The following XKR6 variants were observed in gnomAD, a reference collection of about 807,000 sequenced individuals.
XKR6 encodes the protein XK related 6, also known as XK-related protein 6.
Under a neutral mutation model 56.7 loss-of-function variants are expected in XKR6, and 22 were observed. That is an observed-to-expected ratio of 0.39 (90% CI 0.28 to 0.55). The LOEUF (loss-of-function observed/expected upper bound fraction) is 0.55, where lower values mean the gene tolerates loss of function less well. XKR6 is among the 20% of genes least tolerant of loss of function. XKR6 has a pLI of 0.66. For missense variants in XKR6, 852 were observed against 889.0 expected, an observed-to-expected ratio of 0.96 and a Z score of 0.53; for synonymous variants, 524 against 387.8, an observed-to-expected ratio of 1.35 and a Z score of -4.13.
chr8:11,033,287 T>C (rs1563357690), intron 1 of XKR6, among the ~76,000 whole-genome samples: 1 of 150,214 alleles, frequency 6.7e-6, no homozygotes. Flanking sequence ...ATGACGATAG[T>C]GATGGTGATG....
chr8:10,962,648 C>G (rs1554516524), intron 1 of XKR6, among the ~76,000 whole-genome samples: 2 of 151,726 alleles, frequency 1.3e-5, no homozygotes, highest in Non-Finnish European at 2.9e-5. Flanking sequence ...GTTTTTGAGA[C>G]AGAGTCTCAC....
At chr8:11,035,292 C>T (rs975002696) in intron 1 of XKR6, 2 of 534,692 alleles carry the variant, frequency 3.7e-6, no homozygotes, top group Non-Finnish European at 7.7e-6. Context: ...GCATCAGCAG[C>T]ATCATCAAGC....
intron 1 of XKR6, among the ~76,000 whole-genome samples, chr8:11,151,795 A>T (rs933870945): frequency 3.9e-5 from 6 of 152,110 alleles, no homozygotes; most frequent in African/African-American, 1.4e-4. Context: ...TGCTATTACA[A>T]ATCAGCTTTT....
chr8:11,133,516 G>T (rs1800223025), intron 1 of XKR6, among the ~76,000 whole-genome samples: 1 of 152,086 alleles, frequency 6.6e-6, no homozygotes, highest in African/African-American at 2.4e-5. Flanking sequence ...CCTTGAACTG[G>T]CGGGAATGCT....
chr8:10,992,748 G>C (rs545385563), intron 1 of XKR6, among the ~76,000 whole-genome samples: 1 of 152,278 alleles, frequency 6.6e-6, no homozygotes, highest in South Asian at 2.1e-4. Context: ...TCTGCATCTA[G>C]AGAGAAAGTC....
intron 1 of XKR6, among the ~76,000 whole-genome samples, chr8:11,091,212 C>T (rs963939332): frequency 1.3e-5 from 2 of 152,152 alleles, no homozygotes; most frequent in Non-Finnish European, 2.9e-5. Flanking sequence ...GGGAGGATCG[C>T]TTGAGTCCAG....
At chr8:11,018,276 C>T (rs762408437) in intron 1 of XKR6, among the ~76,000 whole-genome samples, 4 of 152,052 alleles carry the variant, frequency 2.6e-5, no homozygotes, top group South Asian at 4.1e-4. Context: ...TCAAGAAGCC[C>T]GGTTCATACC....
chr8:11,039,352 T>G (rs7838051), intron 1 of XKR6, among the ~76,000 whole-genome samples: 12,470 of 152,118 alleles, frequency 0.082, 548 homozygotes, highest in Non-Finnish European at 0.1. Flanking sequence ...GGCTGGGCAA[T>G]GAAGCCCTGG....
At chr8:11,091,897 A>G (rs1403988381) in intron 1 of XKR6, among the ~76,000 whole-genome samples, 1 of 152,208 alleles carries the variant, frequency 6.6e-6, no homozygotes, top group Non-Finnish European at 1.5e-5. Context: ...GGTCATCGTA[A>G]GCATTCAATA....
At chr8:11,137,460 G>A (rs1407816833) in intron 1 of XKR6, 1 of 421,348 alleles carries the variant, frequency 2.4e-6, no homozygotes, top group East Asian at 7.1e-5. Context: ...TACATCTTCA[G>A]CCGACACGGA....
At chr8:10,985,224 G>T (rs1027013230) in intron 1 of XKR6, among the ~76,000 whole-genome samples, 7 of 152,090 alleles carry the variant, frequency 4.6e-5, no homozygotes, top group Non-Finnish European at 8.8e-5. Context: ...GGACCTGGTG[G>T]GAGGTAATTG....
At chr8:10,964,544 G>A (rs1240548434) in intron 1 of XKR6, among the ~76,000 whole-genome samples, 4 of 152,210 alleles carry the variant, frequency 2.6e-5, no homozygotes, top group East Asian at 1.9e-4. Context: ...TTCAGTCAGC[G>A]AAAATGGCAT....
intron 1 of XKR6, among the ~76,000 whole-genome samples, chr8:11,028,344 G>T (rs563258358): frequency 6.6e-6 from 1 of 152,142 alleles, no homozygotes; most frequent in Non-Finnish European, 1.5e-5. Flanking sequence ...CAGTTTACCC[G>T]TTCACCTGCT....
At chr8:11,037,857 C>G (rs76361735) in intron 1 of XKR6, among the ~76,000 whole-genome samples, 1 of 100,746 alleles carries the variant, frequency 9.9e-6, no homozygotes, top group South Asian at 3.6e-4. Context: ...GACTTGGTTT[C>G]AAAAAAAAAA....
intron 1 of XKR6, among the ~76,000 whole-genome samples, chr8:11,122,334 CT>C (rs1563152909): frequency 6.6e-6 from 1 of 152,240 alleles, no homozygotes; most frequent in African/African-American, 2.4e-5. Context: ...GTCCATTTTA[CT>C]TTACAGATCT....
chr8:11,190,766 G>A (rs940868035), intron 1 of XKR6, among the ~76,000 whole-genome samples: 4 of 152,064 alleles, frequency 2.6e-5, no homozygotes, highest in Admixed American at 6.6e-5. Context: ...ATTCTGTCCC[G>A]CCCACAGCTC....
At chr8:10,993,232 T>A (rs1354148346) in intron 1 of XKR6, among the ~76,000 whole-genome samples, 1 of 152,276 alleles carries the variant, frequency 6.6e-6, no homozygotes, top group Non-Finnish European at 1.5e-5. Context: ...GGATGCTTTT[T>A]ATTCAAGTCA....
intron 2 of XKR6, among the ~76,000 whole-genome samples, chr8:10,914,335 G>C (rs1321667775): frequency 6.6e-6 from 1 of 152,148 alleles, no homozygotes; most frequent in African/African-American, 2.4e-5. Flanking sequence ...TGCATCCCCA[G>C]TAGTGAGAGG....
chr8:11,118,885 T>C (rs533358993), intron 1 of XKR6, among the ~76,000 whole-genome samples: 1 of 152,348 alleles, frequency 6.6e-6, no homozygotes, highest in Non-Finnish European at 1.5e-5. Context: ...TCTCTAGATC[T>C]TTTAATTGTG....
Sources: allele counts gnomAD v4.1 joint callset (sites outside exome capture counted in the v4.1 genomes callset), GRCh38; gene constraint gnomAD v4.1.1; transcripts MANE v1.5; gene names NCBI Gene and HGNC (gene_info 2026-07-23, HGNC 2026-07-21).